QSOX2: variants seen among roughly 807,000 people sequenced by gnomAD.
The protein encoded by QSOX2 is sulfhydryl oxidase 2.
Under a neutral mutation model 61.7 loss-of-function variants are expected in QSOX2, and 46 were observed. The ratio of observed to expected loss-of-function variants is 0.75; its 90% confidence interval spans 0.59 to 0.95. The LOEUF is 0.95. Ranked by LOEUF, QSOX2 falls within the 40% of genes least tolerant of loss-of-function variation. The pLI, the probability that QSOX2 is intolerant of heterozygous loss-of-function variation, is 0.00. For missense variants in QSOX2, 879 were observed against 918.9 expected (o/e 0.96, Z 0.56); for synonymous variants, 383 against 388.4 (o/e 0.99, Z 0.16).
intron 1 of QSOX2, among the ~76,000 whole-genome samples, chr9:136,232,913 G>A (rs1830343816): frequency 1.0e-5 from 1 of 95,692 alleles, no homozygotes; most frequent in African/African-American, 4.6e-5. Context: ...GTGAGAACCT[G>A]TCTCAAAAAA....
In QSOX2 at chr9:136,206,486, A is replaced by G. The variant is rs1831765664; in HGVS notation, c.*2242T>C. ...AAAATCCTTCCACTGAAAATAAATA[A>G]GCATTTAAATTACTGAACTATTATA... is the stretch of plus-strand genomic sequence containing the variant. On this transcript the variant is annotated 3_prime_UTR_variant, in exon 12 of 12. Transcript: ENST00000358701. The G allele has an allele frequency of 6.6e-6, 1 of 152,590 alleles. No individual in the cohort carries two copies. Among genetic ancestry groups the G allele is most frequent in the Non-Finnish European group, 1.5e-5 (1 of 68,040 alleles). 9.5% of individuals were successfully genotyped at this position (152,590 alleles called of 1,614,324 possible). A position where few individuals can be genotyped will look rare whatever the true frequency, so the allele number is the denominator to read the frequency against.
chr9:136,224,897 A>C lies in QSOX2; in HGVS notation c.442T>G (p.Phe148Val). ...FYPTFRYFKA[F>V]TKEFTTGENF... ...TCTCCAGTTGTAAACTCCTTTGTAA[A>C]TGCTTTAAAATACTAAGAGGAAAAA... Residue 148 changes from phenylalanine to valine, a missense_variant, in exon 3 of 12, where the codon TTT becomes GTT. Physicochemically the swap from Phe to Val is conservative, Grantham distance 50. Transcript: ENST00000358701. 1 of 1,604,344 alleles carries C rather than the reference A, an allele frequency of 6.2e-7. No homozygotes were observed. Among genetic ancestry groups the C allele is most frequent in the Non-Finnish European group, 8.5e-7 (1 of 1,174,536 alleles).
rs10117333 is a variant in QSOX2 at position 136,207,605 on chromosome 9, A to C, written c.*1123T>G. On this transcript the variant is annotated 3_prime_UTR_variant, in exon 12 of 12. Coordinates refer to ENST00000358701, the MANE Select transcript of QSOX2 (RefSeq NM_181701.4). Reference sequence around the variant, plus strand: ...ATCAAATGGTAAAAGACATCATGACAAAAGCTTGGGAGATCAGTGCCTGTG... The same window carrying C: ...ATCAAATGGTAAAAGACATCATGACCAAAGCTTGGGAGATCAGTGCCTGTG... 146,205 of 152,452 alleles carry C rather than the reference A, an allele frequency of 0.96. 70,150 individuals are homozygous for C. The highest frequency in any genetic ancestry group is 1 in the East Asian group (5,297 of 5,314). 9.4% of individuals were successfully genotyped at this position (152,452 alleles called of 1,614,324 possible).
intron 11 of QSOX2, chr9:136,210,971 C>A: frequency 1.1e-6 from 1 of 914,790 alleles, no homozygotes; most frequent in Non-Finnish European, 1.3e-6. Flanking sequence ...CAGAGTCTAA[C>A]GGGCTACCAG....
chr9:136,244,637 T>C (rs1408815513), intron 1 of QSOX2, among the ~76,000 whole-genome samples: 1 of 152,242 alleles, frequency 6.6e-6, no homozygotes, highest in Non-Finnish European at 1.5e-5. Flanking sequence ...AATACCATTT[T>C]AAGGGAAGGG....
chr9:136,216,601 C>A lies in QSOX2; in HGVS notation c.1208G>T (p.Arg403Leu). ...GCTGGCGAGGGTTCTGGGGCTCACC[C>A]GCATCTTGTTGTTGACCAGGTCAAG... ...AVLDLVNNKM[R>L]ISGIFLTNHI... is the part of the protein sequence containing the mutation. Residue 403 changes from arginine to leucine, a missense_variant and splice_region_variant, in exon 9 of 12, where the codon CGG becomes CTG. By Grantham distance (102) the Arg-to-Leu change is moderately radical. Coordinates refer to ENST00000358701, the MANE Select transcript of QSOX2 (RefSeq NM_181701.4). 6.2e-7 allele frequency: 1 copy of A among 1,613,634 alleles called. No homozygotes were observed. The highest frequency in any genetic ancestry group is 1.1e-5 in the South Asian group (1 of 91,050).
intron 1 of QSOX2, 71 bp from the exon 2 acceptor site, chr9:136,226,945 C>G (rs1830288000): frequency 7.3e-7 from 1 of 1,361,938 alleles, no homozygotes; most frequent in Admixed American, 1.7e-5. Flanking sequence ...CCCAGCAGTC[C>G]CCACTCCAGG....
At chr9:136,227,026 G>A (rs1383730283) in intron 1 of QSOX2, 152 bp from the exon 2 acceptor site, 14 of 649,938 alleles carry the variant, frequency 2.2e-5, no homozygotes, top group Non-Finnish European at 3.4e-5. Flanking sequence ...CACACAGAGC[G>A]TCTATGTGGA....
intron 10 of QSOX2, among the ~76,000 whole-genome samples, chr9:136,214,926 G>A (rs960465812): frequency 6.6e-6 from 1 of 152,154 alleles, no homozygotes; most frequent in African/African-American, 2.4e-5. Context: ...TTTCCTGCAC[G>A]TTAGCCATGC....
Position 136,223,699 on chromosome 9 carries a change from A to T in QSOX2, c.675+64T>A. 7.6e-7 allele frequency: 1 copy of T among 1,315,574 alleles called. No individual in the cohort carries two copies. The highest frequency in any genetic ancestry group is 1.1e-6 in the Non-Finnish European group (1 of 920,212). The allele number at this position is 1,315,574 out of a possible 1,614,324, so 81.5% of individuals were successfully genotyped here. On this transcript the variant is annotated intron_variant, in intron 5 of 11. Transcript: ENST00000358701. This position sits in a 1 kb window ranked among gnomAD's most constrained non-coding sequence, Gnocchi z 4.4. Reference sequence around the variant, plus strand: ...GTGACCGGCACCTGCAAATCTCATCACAGATCCACCGCCAACCCCAATCAC... The same window carrying T: ...GTGACCGGCACCTGCAAATCTCATCTCAGATCCACCGCCAACCCCAATCAC...
Position 136,223,008 on chromosome 9 carries a change from C to T in QSOX2, c.675+755G>A, listed in dbSNP as rs539647965. 3.9e-5 allele frequency among the ~76,000 whole-genome samples: 6 copies of T among 152,356 alleles called. No individual in the cohort carries two copies. The highest frequency in any genetic ancestry group is 1.2e-4 in the African/African-American group (5 of 41,584). On this transcript the variant is annotated intron_variant, in intron 5 of 11. Transcript: ENST00000358701. The surrounding 1 kb of genome is among the most constrained non-coding windows in gnomAD (Gnocchi z 4.4). ...TGGGGTGCCAGGAGGGCAGCCAGGG[C>T]ACAAAGCGAGACGGTCACAGTGCAG...
intron 1 of QSOX2, among the ~76,000 whole-genome samples, chr9:136,230,271 C>G (rs998048736): frequency 1.3e-5 from 2 of 152,224 alleles, no homozygotes; most frequent in African/African-American, 2.4e-5. Flanking sequence ...GAGCGAGACT[C>G]TATCTCAAAA....
intron 1 of QSOX2, among the ~76,000 whole-genome samples, chr9:136,234,307 G>A (rs1472434705): frequency 6.6e-6 from 1 of 152,246 alleles, no homozygotes; most frequent in Non-Finnish European, 1.5e-5. Context: ...GGTGGGCTAT[G>A]AGCTCAGTTT....
intron 1 of QSOX2, among the ~76,000 whole-genome samples, chr9:136,230,991 G>A (rs1830324095): frequency 6.6e-6 from 1 of 152,146 alleles, no homozygotes; most frequent in Non-Finnish European, 1.5e-5. Flanking sequence ...GGACTTCCCT[G>A]ACCCCCTGCC....
chr9:136,211,034 G>A (rs1159482703), intron 11 of QSOX2: 2 of 527,462 alleles, frequency 3.8e-6, no homozygotes, highest in African/African-American at 4.2e-5. Flanking sequence ...GGGTCGAAGA[G>A]CCCCCGGAGT....
At chr9:136,211,901 G>A (rs934747327) in intron 10 of QSOX2, among the ~76,000 whole-genome samples, 8 of 152,226 alleles carry the variant, frequency 5.3e-5, no homozygotes, top group Non-Finnish European at 4.4e-5. Flanking sequence ...TGGTACCAGG[G>A]CAATGACTCT....
chr9:136,215,252 C>G lies in QSOX2; in HGVS notation c.1262G>C (p.Ser421Thr). 6.2e-7 allele frequency: 1 copy of G among 1,614,048 alleles called. No homozygotes were observed. The highest frequency in any genetic ancestry group is 8.5e-7 in the Non-Finnish European group (1 of 1,180,002). ...NHIKWVGCQGSRSELRGYPCS... is the reference protein window; with the variant it reads ...NHIKWVGCQGTRSELRGYPCS... ...CGGGTAACCCCTCAACTCAGATCGGCTTCCTTGACATCCAACCCACTTTAT... is the reference window on the plus strand; with the variant it reads ...CGGGTAACCCCTCAACTCAGATCGGGTTCCTTGACATCCAACCCACTTTAT... The change falls in exon 10 of 12, where the codon AGC (serine) becomes ACC (threonine). Residue 421 changes from serine (S) to threonine (T), a missense_variant. Physicochemically the swap from Ser to Thr is moderately conservative, Grantham distance 58. Transcript: ENST00000358701.
rs554431066 is a variant in QSOX2 at position 136,211,066 on chromosome 9, G to A, written c.1549+198C>T. Among the ~76,000 whole-genome samples, 40 of 152,306 alleles carry A rather than the reference G, an allele frequency of 2.6e-4. 1 individual carries two copies. In the South Asian group the frequency reaches 7.5e-3, roughly 28 times the overall value. On this transcript the variant is annotated intron_variant, in intron 11 of 11. Coordinates refer to ENST00000358701, the MANE Select transcript of QSOX2 (RefSeq NM_181701.4). ...GAGTGAGAGAAGCATCTAGAAAGCC[G>A]GGGACAGAAGCAGCCTGGGAAAGGC...
intron 2 of QSOX2, among the ~76,000 whole-genome samples, chr9:136,225,678 C>A (rs1830273951): frequency 1.3e-5 from 2 of 152,250 alleles, no homozygotes; most frequent in Non-Finnish European, 2.9e-5. Context: ...TCTCCCCTTG[C>A]CCGGGAAGGC....
Sources: gnomAD v4.1 joint callset for allele counts (sites outside exome capture counted in the v4.1 genomes callset) on GRCh38, gnomAD v4.1.1 for gene constraint, Gnocchi (gnomAD v3.1) non-coding constraint, MANE v1.5 for transcripts, NCBI Gene and HGNC (gene_info 2026-07-23, HGNC 2026-07-21) for gene names.